Variants in PAX5 observed in about 807,000 individuals in gnomAD.
PAX5 encodes the protein paired box protein Pax-5.
Under a neutral mutation model 43.7 loss-of-function variants are expected in PAX5, and 9 were observed. The ratio of observed to expected loss-of-function variants is 0.21; its 90% CI spans 0.12 to 0.36. The LOEUF is 0.36. Among genes scored for constraint, PAX5 ranks in the 10% least tolerant of loss-of-function variants. The pLI is 1.00. For missense variants in PAX5, 383 were observed against 532.7 expected (o/e 0.72, Z 2.77); for synonymous variants, 228 against 214.3 (o/e 1.06, Z -0.56).
At chr9:36,880,512 TG>T (rs1451116283) in intron 8 of PAX5, among the ~76,000 whole-genome samples, 1 of 152,248 alleles carries the variant, frequency 6.6e-6, no homozygotes, top group African/African-American at 2.4e-5. Context: ...AGGGCTAAAG[TG>T]GGGCCCTCTA....
intron 6 of PAX5, among the ~76,000 whole-genome samples, chr9:36,949,485 G>A (rs914964270): frequency 6.6e-6 from 1 of 152,202 alleles, no homozygotes; most frequent in Non-Finnish European, 1.5e-5. Context: ...ATTTGTTTGA[G>A]ATGTGATAAT....
At chr9:36,927,084 C>T (rs7032313) in intron 6 of PAX5, among the ~76,000 whole-genome samples, 81,024 of 151,858 alleles carry the variant, frequency 0.53, 21,706 homozygotes, top group East Asian at 0.74. Flanking sequence ...GGGGTGCAAG[C>T]GTAAAGGGGA....
intron 6 of PAX5, among the ~76,000 whole-genome samples, chr9:36,950,742 T>TC (rs1832929680): frequency 7.5e-6 from 1 of 134,034 alleles, no homozygotes; most frequent in Non-Finnish European, 1.6e-5. Context: ...TTTCTTTTTT[T>TC]TTTTTTTTTT....
At chr9:36,995,230 G>A (rs1837293068) in intron 5 of PAX5, among the ~76,000 whole-genome samples, 1 of 152,262 alleles carries the variant, frequency 6.6e-6, no homozygotes, top group African/African-American at 2.4e-5. Flanking sequence ...TCAGCCAGTT[G>A]TGAAGGACCA....
chr9:37,023,229 G>T (rs1358631387), intron 1 of PAX5, among the ~76,000 whole-genome samples: 1 of 152,078 alleles, frequency 6.6e-6, no homozygotes, highest in Non-Finnish European at 1.5e-5. Flanking sequence ...AAAGAAAGAC[G>T]AAGGTGGCAC....
chr9:36,842,171 C>T (rs1255077808), intron 9 of PAX5, among the ~76,000 whole-genome samples: 5 of 152,208 alleles, frequency 3.3e-5, no homozygotes, highest in African/African-American at 1.2e-4. Flanking sequence ...TCTGTCACCT[C>T]CCTGGCTGCA....
At chr9:36,988,682 AAAAAG>A (rs760451148) in intron 5 of PAX5, among the ~76,000 whole-genome samples, 69 of 35,264 alleles carry the variant, frequency 2.0e-3, no homozygotes, top group East Asian at 9.9e-3. Flanking sequence ...AAAAAAAAAA[AAAAAG>A]AGAGAGAGAG....
At chr9:36,938,379 A>C (rs1181949218) in intron 6 of PAX5, among the ~76,000 whole-genome samples, 1 of 152,098 alleles carries the variant, frequency 6.6e-6, no homozygotes, top group Admixed American at 6.5e-5. Flanking sequence ...ATTTTTAATA[A>C]TTTCTTCTCC....
chr9:36,998,690 A>G (rs1040560378), intron 5 of PAX5, among the ~76,000 whole-genome samples: 5 of 152,220 alleles, frequency 3.3e-5, no homozygotes, highest in Non-Finnish European at 4.4e-5. Flanking sequence ...AGTGTAAAAT[A>G]TTTGTCCCAC....
chr9:36,894,420 G>A (rs577655405), intron 7 of PAX5, among the ~76,000 whole-genome samples: 1 of 152,288 alleles, frequency 6.6e-6, no homozygotes, highest in East Asian at 1.9e-4. Flanking sequence ...AGAAAGGATA[G>A]CATTCCCCAG....
At chr9:36,964,174 G>A (rs10114549) in intron 6 of PAX5, among the ~76,000 whole-genome samples, 1,584 of 151,394 alleles carry the variant, frequency 0.01, 25 homozygotes, top group African/African-American at 0.036. Context: ...CGTCCTACTC[G>A]GGAGGCTGAG....
At chr9:37,013,512 ATGT>A (rs1839141945) in intron 3 of PAX5, among the ~76,000 whole-genome samples, 1 of 152,146 alleles carries the variant, frequency 6.6e-6, no homozygotes, top group African/African-American at 2.4e-5. Context: ...GCTGCCTGTC[ATGT>A]TGTTTTGTGT....
At chr9:36,927,790 C>T (rs1830773360) in intron 6 of PAX5, among the ~76,000 whole-genome samples, 1 of 151,600 alleles carries the variant, frequency 6.6e-6, no homozygotes, top group Non-Finnish European at 1.5e-5. Context: ...CTCACTGCAA[C>T]CTCCGCCCCC....
chr9:37,008,972 CAG>C (rs1340826507), intron 3 of PAX5, among the ~76,000 whole-genome samples: 1 of 152,048 alleles, frequency 6.6e-6, no homozygotes. Flanking sequence ...TATGTGTCTA[CAG>C]AGATATTGCT....
In PAX5 at chr9:37,022,699, G is replaced by A. The variant is rs529150786; in HGVS notation, c.47-1898C>T. Among the ~76,000 whole-genome samples the A allele has an allele frequency of 2.0e-5, 3 of 152,332 alleles. No homozygotes were observed. The East Asian group carries it at 5.8e-4, about 29-fold the overall frequency. The stretch of plus-strand genomic sequence containing the variant: ...TGCAGGACATTTATGAGCACTGGGG[G>A]CTGTTTTGTATCATGGGAAAACCCT... On this transcript the variant is annotated intron_variant, in intron 1 of 9. Transcript: ENST00000358127.
chr9:37,033,212 G>A (rs1841160536), intron 1 of PAX5, among the ~76,000 whole-genome samples: 2 of 152,230 alleles, frequency 1.3e-5, no homozygotes, highest in Non-Finnish European at 1.5e-5. Context: ...TGCATGCCCT[G>A]AATTCACACC....
At chr9:37,001,810 CTTTTTTTT>C (rs3073720) in intron 5 of PAX5, among the ~76,000 whole-genome samples, 5 of 87,992 alleles carry the variant, frequency 5.7e-5, no homozygotes, top group African/African-American at 9.0e-5. Context: ...ACAGCTCTGG[CTTTTTTTT>C]TTTTTTTTTT....
chr9:36,866,854 C>T lies in PAX5; in HGVS notation c.1012+15150G>A, dbSNP rs1824935518. On this transcript the variant is annotated intron_variant, in intron 8 of 9. Coordinates refer to ENST00000358127, the MANE Select transcript of PAX5 (RefSeq NM_016734.3). The stretch of plus-strand genomic sequence containing the variant: ...GGAAAAGCAGCTACAGAACACACAA[C>T]GGCCTCTCCGTTGAACACACAACAC... Among the ~76,000 whole-genome samples, 13 of 152,232 alleles carry T rather than the reference C, an allele frequency of 8.5e-5. No individual in the cohort carries two copies. In the South Asian group the frequency reaches 2.7e-3, roughly 32 times the overall value.
Position 36,833,991 on chromosome 9 carries a change from G to T in PAX5, c.*6569C>A. 4.3e-6 allele frequency: 1 copy of T among 232,672 alleles called. No homozygotes were observed. Among genetic ancestry groups the T allele is most frequent in the Non-Finnish European group, 8.5e-6 (1 of 117,830 alleles). 14.4% of individuals were successfully genotyped at this position (232,672 alleles called of 1,614,324 possible). On this transcript the variant is annotated 3_prime_UTR_variant, in exon 10 of 10. Coordinates refer to ENST00000358127, the MANE Select transcript of PAX5 (RefSeq NM_016734.3). ...CTAAGACAAAATCAAATGTCTCAAAGAATTAAAAGCAAAATGCATGTGTCT... is the reference window on the plus strand; with the variant it reads ...CTAAGACAAAATCAAATGTCTCAAATAATTAAAAGCAAAATGCATGTGTCT...
Sources: allele counts gnomAD v4.1 joint callset (sites outside exome capture counted in the v4.1 genomes callset), GRCh38; gene constraint gnomAD v4.1.1; transcripts MANE v1.5; gene names NCBI Gene and HGNC (gene_info 2026-07-23, HGNC 2026-07-21).